Variants in TIE1 observed in about 807,000 individuals in gnomAD.
TIE1 encodes tyrosine-protein kinase receptor Tie-1.
TIE1 carries 89 observed loss-of-function variants against 130.5 expected under a neutral mutation model. The observed-to-expected ratio is 0.68, with a 90% CI of 0.57 to 0.81. The LOEUF (loss-of-function observed/expected upper bound fraction) is 0.81, where lower values mean the gene tolerates loss of function less well. TIE1 is among the 40% of genes least tolerant of loss of function. The probability of loss-of-function intolerance (pLI) is 0.00; values close to 1 mark genes in which losing one functional copy is unlikely to be tolerated. For missense variants in TIE1, 1,392 were observed against 1,559.8 expected, an observed-to-expected ratio of 0.89 and a Z score of 1.81; for synonymous variants, 568 against 629.4, an observed-to-expected ratio of 0.90 and a Z score of 1.46.
At chr1:43,314,232 A>G in intron 14 of TIE1, 1 of 695,158 alleles carries the variant, frequency 1.4e-6, no homozygotes, top group Non-Finnish European at 2.2e-6. Flanking sequence ...TGATGACCAT[A>G]TTTCACAATG....
chr1:43,313,675 C>A lies in TIE1; in HGVS notation c.2219-103C>A, dbSNP rs1054274569. 2.2e-4 allele frequency: 285 copies of A among 1,299,186 alleles called. 1 individual carries two copies. The highest frequency in any genetic ancestry group is 2.7e-4 in the Middle Eastern group (1 of 3,702). The allele number at this position is 1,299,186 out of a possible 1,614,324, so 80.5% of individuals were successfully genotyped here. A position where few individuals can be genotyped will look rare whatever the true frequency, so the allele number is the denominator to read the frequency against. On this transcript the variant is annotated intron_variant, in intron 13 of 22. Coordinates refer to ENST00000372476, the MANE Select transcript of TIE1 (RefSeq NM_005424.5). The surrounding 1 kb of genome is among the most constrained non-coding windows in gnomAD (Gnocchi z 6.2). The stretch of plus-strand genomic sequence containing the variant: ...TGGCCCAAGTGATTTCCTGACAGTC[C>A]TGGCACTGGGATCTTTCACCTCTCC...
chr1:43,312,105 C>T lies in TIE1; in HGVS notation c.1604C>T (p.Pro535Leu), dbSNP rs1316275037. 6.3e-7 allele frequency: 1 copy of T among 1,578,034 alleles called. No homozygotes were observed. The highest frequency in any genetic ancestry group is 1.4e-5 in the African/African-American group (1 of 73,992). ...GGAGGAGAGGGGGCCTGGGGGCCTC[C>T]CACCCTCATGACCACAGACTGTCCT... ...GEGGEGAWGP[P>L]TLMTTDCPEP... The change falls in exon 11 of 23, where the codon CCC (proline) becomes CTC (leucine). Residue 535 changes from proline to leucine, a missense_variant. This residue lies in a region of TIE1 where 551 missense variants were observed against 565.5 expected (regional missense o/e 0.97). Coordinates refer to ENST00000372476, the MANE Select transcript of TIE1 (RefSeq NM_005424.5). This position sits in a 1 kb window ranked among gnomAD's most constrained non-coding sequence, Gnocchi z 5.6.
rs1382135003 is a variant in TIE1 at position 43,321,678 on chromosome 1, T to C, written c.3308T>C (p.Ile1103Thr). 3.2e-6 allele frequency: 5 copies of C among 1,553,422 alleles called. No individual in the cohort carries two copies. The South Asian group carries it at 3.6e-5, about 11-fold the overall frequency. The change falls in exon 22 of 23, where the codon ATT (isoleucine) becomes ACT (threonine). Residue 1103 changes from isoleucine to threonine, a missense_variant. This residue lies in a region of TIE1 where 104 missense variants were observed against 129.3 expected (regional missense o/e 0.80). Transcript: ENST00000372476. Reference protein sequence around the residue: ...RPYERPPFAQIALQLGRMLEA... With the variant: ...RPYERPPFAQTALQLGRMLEA... ...TATGAGCGACCCCCCTTTGCCCAGA[T>C]TGCGCTACAGCTAGGCCGCATGCTG...
Position 43,309,336 on chromosome 1 carries a change from C to CCA in TIE1, c.1189-49_1189-48dup. 1 of 1,539,406 alleles carries CCA rather than the reference C, an allele frequency of 6.5e-7. No homozygotes were observed. On this transcript the variant is annotated intron_variant, in intron 8 of 22. Coordinates refer to ENST00000372476, the MANE Select transcript of TIE1 (RefSeq NM_005424.5). The surrounding 1 kb of genome is among the most constrained non-coding windows in gnomAD (Gnocchi z 6.3). ...GTCCAGACGGACACCTGGGTGCCTG[C>CCA]CACAGAGGTGCCCGTTCCCTGTGAC...
At position 43,307,550 on chromosome 1, in the gene TIE1, G is replaced by C. The variant is rs1216217079; in HGVS notation, c.891G>C (p.Trp297Cys). Residue 297 changes from tryptophan (W) to cysteine (C), a missense_variant, in exon 6 of 23, where the codon TGG becomes TGC. Trp to Cys is a radical substitution (Grantham distance 215, BLOSUM62 -2). Around this residue, in one of 6 missense-constraint regions of TIE1, gnomAD observed 415 missense variants for 424.8 expected, o/e 0.98. Coordinates refer to ENST00000372476, the MANE Select transcript of TIE1 (RefSeq NM_005424.5). The surrounding 1 kb of genome is among the most constrained non-coding windows in gnomAD (Gnocchi z 5.4). ...ATGGCTGCTCTTGTGGATCTGGCTG[G>C]AGAGGAAGCCAGTGCCAAGAAGGTA... The part of the protein sequence containing the change: ...DPYGCSCGSG[W>C]RGSQCQEACA... 22 of 1,613,998 alleles carry C rather than the reference G, an allele frequency of 1.4e-5. No individual in the cohort carries two copies. The highest frequency in any genetic ancestry group is 1.9e-5 in the Non-Finnish European group (22 of 1,180,026).
Position 43,322,738 on chromosome 1 carries a change from G to A in TIE1, c.*16G>A, listed in dbSNP as rs376945101. ...GGAGGCCTGAGCTGCCATCCAGCCA[G>A]AACGTGGCTCTGCTGGCCGGAGCAA... On this transcript the variant is annotated 3_prime_UTR_variant, in exon 23 of 23. Coordinates refer to ENST00000372476, the MANE Select transcript of TIE1 (RefSeq NM_005424.5). This position sits in a 1 kb window ranked among gnomAD's most constrained non-coding sequence, Gnocchi z 4.0. 111 of 1,612,634 alleles carry A rather than the reference G, an allele frequency of 6.9e-5. No individual in the cohort carries two copies. Among genetic ancestry groups the A allele is most frequent in the Non-Finnish European group, 9.2e-5 (109 of 1,179,504 alleles).
At chr1:43,320,834 GA>G in intron 19 of TIE1, 1 of 151,504 alleles carries the variant, frequency 6.6e-6, no homozygotes, top group East Asian at 1.9e-4. Flanking sequence ...CAGCCTGGGC[GA>G]CAGAGCGAGA....
rs1646743491 is a variant in TIE1, at chr1:43,307,570, A to G, written c.911A>G (p.Glu304Gly). ...GSGWRGSQCQ[E>G]ACAPGHFGAD... ...GGCTGGAGAGGAAGCCAGTGCCAAG[A>G]AGGTATGCCTAACCTACCCTCATGG... The change falls in exon 6 of 23, where the codon GAA becomes GGA. Residue 304 changes from glutamate to glycine, a missense_variant and splice_region_variant. Around this residue, in one of 6 missense-constraint regions of TIE1, gnomAD observed 28 missense variants for 54.7 expected, o/e 0.51. Coordinates refer to ENST00000372476, the MANE Select transcript of TIE1 (RefSeq NM_005424.5). The surrounding 1 kb of genome is among the most constrained non-coding windows in gnomAD (Gnocchi z 5.4). 1 of 1,614,040 alleles carries G rather than the reference A, an allele frequency of 6.2e-7. No individual in the cohort carries two copies. The highest frequency in any genetic ancestry group is 8.5e-7 in the Non-Finnish European group (1 of 1,179,990).
chr1:43,321,223 G>A, intron 19 of TIE1, 46 bp from the exon 20 acceptor site: 2 of 1,611,166 alleles, frequency 1.2e-6, no homozygotes, highest in Non-Finnish European at 1.7e-6. Context: ...TAAACTGCTA[G>A]GGACCAGGGC....
At chr1:43,301,672 C>A (rs1646671625) in intron 1 of TIE1, among the ~76,000 whole-genome samples, 1 of 151,544 alleles carries the variant, frequency 6.6e-6, no homozygotes, top group Admixed American at 6.6e-5. Context: ...AGATCGAGAC[C>A]AGCCTGGCAA....
Position 43,317,122 on chromosome 1 carries a change from G to C in TIE1, c.2410-77G>C. ...ACTTGTCTGACACTGAAACCTCCTC[G>C]TGTGCCTGTCTGTGCCTCCTTCCGC... On this transcript the variant is annotated intron_variant, in intron 14 of 22. Transcript: ENST00000372476. The surrounding 1 kb of genome is among the most constrained non-coding windows in gnomAD (Gnocchi z 5.1). The C allele has an allele frequency of 2.0e-6, 3 of 1,478,332 alleles. No homozygotes were observed. Among genetic ancestry groups the C allele is most frequent in the Non-Finnish European group, 2.8e-6 (3 of 1,061,046 alleles). 91.6% of individuals were successfully genotyped at this position (1,478,332 alleles called of 1,614,324 possible).
intron 7 of TIE1, 81 bp downstream of exon 7, chr1:43,308,005 T>A: frequency 6.4e-7 from 1 of 1,566,324 alleles, no homozygotes; most frequent in Non-Finnish European, 8.7e-7. Flanking sequence ...AAGAGAGTAG[T>A]CCCTCCTTTC....
At chr1:43,308,789 T>G (rs1570435593) in intron 7 of TIE1, 197 bp from the exon 8 acceptor site, 11 of 711,986 alleles carry the variant, frequency 1.5e-5, no homozygotes, top group African/African-American at 5.3e-5. Flanking sequence ...AGTGGGGAGG[T>G]GGTTAGGAAG....
In TIE1 at chr1:43,319,779, G is replaced by A; in HGVS notation, c.3107+250G>A. On this transcript the variant is annotated intron_variant, in intron 19 of 22. Coordinates refer to ENST00000372476, the MANE Select transcript of TIE1 (RefSeq NM_005424.5). The surrounding 1 kb of genome is among the most constrained non-coding windows in gnomAD (Gnocchi z 4.7). Reference sequence around the variant, plus strand: ...TCGGATTATGTTTGTGTAAGTGACGGGGGATGCCTTGGAGAGGTTTGGGAA... The same window carrying A: ...TCGGATTATGTTTGTGTAAGTGACGAGGGATGCCTTGGAGAGGTTTGGGAA... 1.9e-6 allele frequency: 1 copy of A among 527,408 alleles called. No individual in the cohort carries two copies. Among genetic ancestry groups the A allele is most frequent in the Non-Finnish European group, 3.4e-6 (1 of 290,334 alleles). The allele number at this position is 527,408 out of a possible 1,614,324, so 32.7% of individuals were successfully genotyped here. A position where few individuals can be genotyped will look rare whatever the true frequency, so the allele number is the denominator to read the frequency against.
At position 43,313,762 on chromosome 1, in the gene TIE1, CT is replaced by C. The variant is rs772265197; in HGVS notation, c.2219-15del. On this transcript the variant is annotated splice_polypyrimidine_tract_variant and intron_variant, in intron 13 of 22. Coordinates refer to ENST00000372476, the MANE Select transcript of TIE1 (RefSeq NM_005424.5). This position sits in a 1 kb window ranked among gnomAD's most constrained non-coding sequence, Gnocchi z 6.2. ...ACCCAGGTGTCCCCACAATCTGCCC[CT>C]CTCACTGTGTCCAGGGCTGCAGGCT... 16 of 1,603,094 alleles carry C rather than the reference CT, an allele frequency of 1.0e-5. No homozygotes were observed. Among genetic ancestry groups the C allele is most frequent in the African/African-American group, 1.3e-5 (1 of 74,702 alleles).
In TIE1 at chr1:43,301,132, A is replaced by G. The variant is rs114063600; in HGVS notation, c.58+3A>G. On this transcript the variant is annotated splice_donor_region_variant and intron_variant, in intron 1 of 22. Coordinates refer to ENST00000372476, the MANE Select transcript of TIE1 (RefSeq NM_005424.5). Reference sequence around the variant, plus strand: ...CCTCTTCTTGGCTTCTCATGTGGGTAAGTCTCCCCTGAGTCCCTCACCCCA... The same window carrying G: ...CCTCTTCTTGGCTTCTCATGTGGGTGAGTCTCCCCTGAGTCCCTCACCCCA... 44 of 1,612,806 alleles carry G rather than the reference A, an allele frequency of 2.7e-5. No individual in the cohort carries two copies. Among genetic ancestry groups the G allele is most frequent in the Non-Finnish European group, 3.5e-5 (41 of 1,179,400 alleles).
In TIE1 at chr1:43,313,159, A is replaced by C; in HGVS notation, c.1952A>C (p.His651Pro). 6.2e-7 allele frequency: 1 copy of C among 1,610,216 alleles called. No homozygotes were observed. Among genetic ancestry groups the C allele is most frequent in the Non-Finnish European group, 8.5e-7 (1 of 1,178,500 alleles). Residue 651 changes from histidine to proline, a missense_variant, in exon 13 of 23, where the codon CAC becomes CCC. Coordinates refer to ENST00000372476, the MANE Select transcript of TIE1 (RefSeq NM_005424.5). This position sits in a 1 kb window ranked among gnomAD's most constrained non-coding sequence, Gnocchi z 6.2. ...PSGPPAPRHL[H>P]AQALSDSEIQ... Reference sequence around the variant, plus strand: ...GGGCCTCCAGCCCCCCGACACCTCCACGCCCAGGCCCTCTCAGACTCCGAG... The same window carrying C: ...GGGCCTCCAGCCCCCCGACACCTCCCCGCCCAGGCCCTCTCAGACTCCGAG...
Position 43,313,714 on chromosome 1 carries a change from C to T in TIE1, c.2219-64C>T. On this transcript the variant is annotated intron_variant, in intron 13 of 22. Coordinates refer to ENST00000372476, the MANE Select transcript of TIE1 (RefSeq NM_005424.5). This position sits in a 1 kb window ranked among gnomAD's most constrained non-coding sequence, Gnocchi z 6.2. ...TTTCACCTCTCCCTCTGTGTAACCC[C>T]ATGGTGGCCTCTGGGTTCCCTGACC... The T allele has an allele frequency of 1.3e-6, 2 of 1,509,778 alleles. No individual in the cohort carries two copies. Among genetic ancestry groups the T allele is most frequent in the Non-Finnish European group, 1.8e-6 (2 of 1,118,788 alleles). 93.5% of individuals were successfully genotyped at this position (1,509,778 alleles called of 1,614,324 possible). A position where few individuals can be genotyped will look rare whatever the true frequency, so the allele number is the denominator to read the frequency against.
At position 43,306,802 on chromosome 1, in the gene TIE1, T is replaced by A; in HGVS notation, c.485-38T>A. ...ACAGAGAGAGGTGACACAGCCCTCA[T>A]GTAGTGCTGAGGCCCCTGACACATT... On this transcript the variant is annotated intron_variant, in intron 3 of 22. Transcript: ENST00000372476. This position sits in a 1 kb window ranked among gnomAD's most constrained non-coding sequence, Gnocchi z 4.9. The A allele has an allele frequency of 6.4e-7, 1 of 1,573,400 alleles. No homozygotes were observed.
Sources: allele counts gnomAD v4.1 joint callset (sites outside exome capture counted in the v4.1 genomes callset), GRCh38; gene constraint gnomAD v4.1.1; regional missense constraint gnomAD v4.1.1; non-coding constraint Gnocchi (gnomAD v3.1); transcripts MANE v1.5; gene names NCBI Gene and HGNC (gene_info 2026-07-23, HGNC 2026-07-21).